TENT5D: variants seen among roughly 807,000 people sequenced by gnomAD.
TENT5D encodes cancer/testis antigen 112.
For synonymous variants in TENT5D, 103 were observed against 100.6 expected (o/e 1.02, Z -0.15); for missense variants, 191 against 287.0 (o/e 0.67, Z 2.42).
At chrX:80,379,377 G>A (rs1001509925) in intron 3 of TENT5D, among the ~76,000 whole-genome samples, 10 of 110,080 alleles carry the variant, frequency 9.1e-5, no homozygotes, top group African/African-American at 1.3e-4. Context: ...TTTTCATATC[G>A]CTATTCATCA....
intron 2 of TENT5D, among the ~76,000 whole-genome samples, chrX:80,340,693 C>A (rs950577041): frequency 9.0e-6 from 1 of 111,526 alleles, no homozygotes; most frequent in African/African-American, 3.3e-5. Context: ...TTTGAGGAGA[C>A]TGTCCTGTGT....
chrX:80,435,874 C>T (rs1367421963), intron 1 of TENT5D, among the ~76,000 whole-genome samples: 1 of 112,360 alleles, frequency 8.9e-6, no homozygotes, highest in African/African-American at 3.2e-5. Context: ...TAAAAACTGG[C>T]TCTTTACAAT....
intron 3 of TENT5D, among the ~76,000 whole-genome samples, chrX:80,366,765 A>G (rs957949547): frequency 9.0e-6 from 1 of 111,673 alleles, no homozygotes; most frequent in African/African-American, 3.2e-5. Flanking sequence ...TAATTTATTC[A>G]TGATAACAGT....
At chrX:80,383,757 G>A (rs992691698) in intron 3 of TENT5D, among the ~76,000 whole-genome samples, 2 of 111,458 alleles carry the variant, frequency 1.8e-5, no homozygotes, top group Non-Finnish European at 3.8e-5. Context: ...TCGGGAAGCT[G>A]AGGCAGGAGA....
chrX:80,355,988 A>C (rs1226316822), intron 3 of TENT5D, among the ~76,000 whole-genome samples: 1 of 112,205 alleles, frequency 8.9e-6, no homozygotes. Flanking sequence ...AGGCAGAGCC[A>C]CCTGGTGAGT....
chrX:80,354,205 G>A (rs1312092362), intron 3 of TENT5D, among the ~76,000 whole-genome samples: 2 of 111,326 alleles, frequency 1.8e-5, no homozygotes, highest in African/African-American at 6.5e-5. Context: ...GTCTTGTATG[G>A]TATCTCACAG....
At chrX:80,439,927 G>T (rs998043648) in intron 2 of TENT5D, among the ~76,000 whole-genome samples, 1 of 110,602 alleles carries the variant, frequency 9.0e-6, no homozygotes, top group African/African-American at 3.3e-5. Flanking sequence ...GAATTTGTCA[G>T]TTAGTAATGA....
intron 1 of TENT5D, among the ~76,000 whole-genome samples, chrX:80,434,784 GT>G (rs1289760773): frequency 8.8e-4 from 80 of 90,669 alleles, no homozygotes; most frequent in Admixed American, 1.1e-3. Flanking sequence ...TTTTTTCTTT[GT>G]TTTTTTTTTT....
chrX:80,409,003 G>A (rs1254028660), intron 3 of TENT5D, among the ~76,000 whole-genome samples: 1 of 110,922 alleles, frequency 9.0e-6, no homozygotes, highest in Non-Finnish European at 1.9e-5. Context: ...AAAACCACAT[G>A]ATTATCTCAA....
At chrX:80,378,769 T>C (rs1930788095) in intron 3 of TENT5D, among the ~76,000 whole-genome samples, 1 of 111,325 alleles carries the variant, frequency 9.0e-6, no homozygotes, top group Non-Finnish European at 1.9e-5. Flanking sequence ...CAGGCTCTTT[T>C]TTGGTTCCAT....
At chrX:80,410,042 G>A (rs1168842478) in intron 3 of TENT5D, among the ~76,000 whole-genome samples, 1 of 104,894 alleles carries the variant, frequency 9.5e-6, no homozygotes, top group Admixed American at 1.0e-4. Context: ...CTAGCCATAT[G>A]TAGAAAGCTG....
At chrX:80,352,720 C>CAAAAAAA (rs1189877322) in intron 3 of TENT5D, among the ~76,000 whole-genome samples, 2 of 19,915 alleles carry the variant, frequency 1.0e-4, no homozygotes, top group African/African-American at 1.8e-4. Flanking sequence ...AGCAAACAAA[C>CAAAAAAA]AAAAAAAAAA....
At chrX:80,374,578 C>T (rs1318547159) in intron 3 of TENT5D, among the ~76,000 whole-genome samples, 2 of 110,702 alleles carry the variant, frequency 1.8e-5, no homozygotes, top group African/African-American at 3.3e-5. Context: ...TTTTGATTTA[C>T]GTTTCTCTCA....
intron 3 of TENT5D, among the ~76,000 whole-genome samples, chrX:80,358,303 A>G (rs1213034072): frequency 8.9e-6 from 1 of 111,929 alleles, no homozygotes; most frequent in Non-Finnish European, 1.9e-5. Context: ...ACAAAAGCCA[A>G]AATTGACAAA....
chrX:80,429,412 C>T (rs1250071461), intron 1 of TENT5D, among the ~76,000 whole-genome samples: 2 of 110,636 alleles, frequency 1.8e-5, no homozygotes, highest in Non-Finnish European at 3.8e-5. Context: ...AAGCAATTCT[C>T]CTGTCTCAGC....
At position 80,443,687 on chromosome X, in the gene TENT5D, G is replaced by A. The variant is rs765366405; in HGVS notation, c.1148G>A (p.Arg383His). The A allele has an allele frequency of 3.0e-5, 35 of 1,186,210 alleles. No homozygotes were observed. The East Asian group carries it at 5.7e-4, about 19-fold the overall frequency. Residue 383 changes from arginine (R) to histidine (H), a missense_variant, in exon 3 of 3, where the codon CGT becomes CAT. Coordinates refer to ENST00000308293, the Ensembl canonical transcript of TENT5D. ...CAGCCATACCACCCACTGCACTTTC[G>A]TGGATCAAATGGTATGAGTTAAAAA...
intron 3 of TENT5D, among the ~76,000 whole-genome samples, chrX:80,375,428 C>G (rs1276032344): frequency 9.0e-6 from 1 of 110,928 alleles, no homozygotes; most frequent in Admixed American, 9.7e-5. Flanking sequence ...CCTAAAGTGT[C>G]TTATTGTAAT....
chrX:80,385,680 A>C (rs1466151733), intron 3 of TENT5D, among the ~76,000 whole-genome samples: 4 of 111,966 alleles, frequency 3.6e-5, no homozygotes, highest in African/African-American at 1.3e-4. Context: ...CCATCTGACA[A>C]AGGGCTAATA....
intron 3 of TENT5D, among the ~76,000 whole-genome samples, chrX:80,408,617 A>C (rs1418312685): frequency 2.7e-5 from 3 of 110,788 alleles, no homozygotes; most frequent in Non-Finnish European, 5.7e-5. Context: ...TAGTTTACCA[A>C]CCAAAAAGAG....
Sources: allele counts gnomAD v4.1 joint callset (sites outside exome capture counted in the v4.1 genomes callset), GRCh38; gene constraint gnomAD v4.1.1; transcripts MANE v1.5; gene names NCBI Gene and HGNC (gene_info 2026-07-23, HGNC 2026-07-21).